The following LINGO2 variants were observed in gnomAD, a reference collection of about 807,000 sequenced individuals.
The protein encoded by LINGO2 is leucine-rich repeat and immunoglobulin-like domain-containing nogo receptor-interacting protein 2.
Under a neutral mutation model 30.6 loss-of-function variants are expected in LINGO2, and 14 were observed. The ratio of observed to expected loss-of-function variants is 0.46; its 90% CI spans 0.30 to 0.72. The LOEUF is 0.72. Among genes scored for constraint, LINGO2 ranks in the 30% least tolerant of loss-of-function variants. The pLI is 0.07. For synonymous variants in LINGO2, 317 were observed against 288.5 expected, an observed-to-expected ratio of 1.10 and a Z score of -1.00; for missense variants, 729 against 751.7, an observed-to-expected ratio of 0.97 and a Z score of 0.35.
the LINGO2 span, among the ~76,000 whole-genome samples, chr9:29,149,666 A>G: frequency 6.6e-6 from 1 of 152,086 alleles, no homozygotes; most frequent in African/African-American, 2.4e-5. Context: ...GATCCTAGCT[A>G]CAGGAGATCC....
At chr9:28,202,747 T>A (rs1820282357) in intron 4 of LINGO2, among the ~76,000 whole-genome samples, 1 of 152,166 alleles carries the variant, frequency 6.6e-6, no homozygotes, top group South Asian at 2.1e-4. Context: ...ATAATGTACC[T>A]CATTAGGCTG....
At chr9:28,176,523 G>A (rs766960916) in intron 4 of LINGO2, among the ~76,000 whole-genome samples, 3 of 152,082 alleles carry the variant, frequency 2.0e-5, no homozygotes, top group East Asian at 1.9e-4. Context: ...CCATTACCAA[G>A]TAGATTATGC....
the LINGO2 span, among the ~76,000 whole-genome samples, chr9:28,784,309 T>C: frequency 1.1e-4 from 16 of 152,298 alleles, no homozygotes; most frequent in African/African-American, 3.6e-4. Flanking sequence ...AGATGGGCAT[T>C]TTTAATTGAG....
At chr9:28,246,358 C>T (rs1228675746) in intron 4 of LINGO2, among the ~76,000 whole-genome samples, 2 of 151,768 alleles carry the variant, frequency 1.3e-5, no homozygotes, top group East Asian at 1.9e-4. Context: ...CAGGGGGAGG[C>T]GGAGTTTGCA....
At chr9:28,864,213 C>T in the LINGO2 span, among the ~76,000 whole-genome samples, 1 of 152,080 alleles carries the variant, frequency 6.6e-6, no homozygotes, top group African/African-American at 2.4e-5. Flanking sequence ...TACAAATCTG[C>T]CCTTGTACCC....
chr9:29,072,703 C>A, the LINGO2 span, among the ~76,000 whole-genome samples: 6,210 of 150,558 alleles, frequency 0.041, 195 homozygotes, highest in Admixed American at 0.08. Context: ...CACATCTCCC[C>A]ATCTTGTCAT....
chr9:28,895,132 C>A, the LINGO2 span, among the ~76,000 whole-genome samples: 20 of 152,094 alleles, frequency 1.3e-4, no homozygotes, highest in African/African-American at 4.3e-4. Flanking sequence ...CTTCATAGGT[C>A]AAATACTAGT....
chr9:28,942,309 T>C, the LINGO2 span, among the ~76,000 whole-genome samples: 2 of 152,328 alleles, frequency 1.3e-5, no homozygotes, highest in East Asian at 1.9e-4. Context: ...TATAAAACTA[T>C]AACTTGGTGG....
chr9:28,604,254 C>T (rs886548801), intron 1 of LINGO2, among the ~76,000 whole-genome samples: 2 of 151,894 alleles, frequency 1.3e-5, no homozygotes, highest in Non-Finnish European at 1.5e-5. Flanking sequence ...AAACTAAATG[C>T]CCCAAAAGAA....
At chr9:28,218,362 G>A (rs577963735) in intron 4 of LINGO2, among the ~76,000 whole-genome samples, 4 of 151,478 alleles carry the variant, frequency 2.6e-5, no homozygotes, top group Admixed American at 1.3e-4. Flanking sequence ...ATGCACTTAC[G>A]AAGTGGATCA....
At chr9:29,028,430 GA>G in the LINGO2 span, among the ~76,000 whole-genome samples, 1 of 118,542 alleles carries the variant, frequency 8.4e-6, no homozygotes, top group African/African-American at 3.3e-5. Flanking sequence ...GGGGGGGGGT[GA>G]GAGAGAGAGA....
chr9:28,325,017 C>G (rs1007822508), intron 3 of LINGO2, among the ~76,000 whole-genome samples: 2 of 151,942 alleles, frequency 1.3e-5, no homozygotes, highest in African/African-American at 2.4e-5. Flanking sequence ...CTTAACTTCT[C>G]TCTTCCACGT....
At chr9:29,054,773 CAT>C in the LINGO2 span, among the ~76,000 whole-genome samples, 2 of 151,994 alleles carry the variant, frequency 1.3e-5, no homozygotes, top group Non-Finnish European at 2.9e-5. Flanking sequence ...GTAATACAAA[CAT>C]ATATATTTAA....
chr9:28,577,558 G>C (rs1193833992), intron 1 of LINGO2, among the ~76,000 whole-genome samples: 1 of 152,044 alleles, frequency 6.6e-6, no homozygotes, highest in African/African-American at 2.4e-5. Flanking sequence ...ATAAACTCCA[G>C]TCTCCCATTT....
chr9:28,413,425 G>A (rs1822847275), intron 2 of LINGO2, among the ~76,000 whole-genome samples: 1 of 152,006 alleles, frequency 6.6e-6, no homozygotes, highest in Non-Finnish European at 1.5e-5. Context: ...ACACACACAT[G>A]TAACCACATG....
At chr9:28,877,311 C>A in the LINGO2 span, among the ~76,000 whole-genome samples, 5 of 151,958 alleles carry the variant, frequency 3.3e-5, no homozygotes, top group Non-Finnish European at 5.9e-5. Flanking sequence ...GTGTTTTAGA[C>A]ATGAAGTCCT....
chr9:28,816,444 G>T, the LINGO2 span, among the ~76,000 whole-genome samples: 1 of 152,070 alleles, frequency 6.6e-6, no homozygotes, highest in Admixed American at 6.6e-5. Flanking sequence ...TTTAAATCAG[G>T]AATCAAGATA....
the LINGO2 span, among the ~76,000 whole-genome samples, chr9:29,163,678 T>C: frequency 6.6e-6 from 1 of 152,090 alleles, no homozygotes; most frequent in Admixed American, 6.5e-5. Context: ...ACTATGAAAA[T>C]CCCCATTGAG....
intron 4 of LINGO2, among the ~76,000 whole-genome samples, chr9:28,066,196 C>T (rs1825308031): frequency 6.6e-6 from 1 of 152,054 alleles, no homozygotes; most frequent in African/African-American, 2.4e-5. Flanking sequence ...ACCACAGAGA[C>T]AGCCTAAATT....
Sources: gnomAD v4.1 joint callset for allele counts (sites outside exome capture counted in the v4.1 genomes callset) on GRCh38, gnomAD v4.1.1 for gene constraint, MANE v1.5 for transcripts, NCBI Gene and HGNC (gene_info 2026-07-23, HGNC 2026-07-21) for gene names.